The following LYPLAL1 variants were observed in gnomAD, a reference collection of about 807,000 sequenced individuals.
LYPLAL1 encodes lysophospholipase like 1, also known as lysophospholipase-like protein 1.
In LYPLAL1, 23 loss-of-function variants were observed where a neutral mutation model predicts 19.7. The ratio of observed to expected loss-of-function variants is 1.17; its 90% CI spans 0.84 to 1.65. LYPLAL1 has a LOEUF of 1.65. Ranked by LOEUF, LYPLAL1 falls within the 40% of genes most tolerant of loss-of-function variation. LYPLAL1 has a pLI of 0.00. For missense variants in LYPLAL1, 355 were observed against 279.4 expected, an observed-to-expected ratio of 1.27 and a Z score of -1.93; for synonymous variants, 119 against 96.3, an observed-to-expected ratio of 1.24 and a Z score of -1.38.
the LYPLAL1 span, among the ~76,000 whole-genome samples, chr1:219,402,618 A>G: frequency 6.7e-6 from 1 of 149,938 alleles, no homozygotes; most frequent in Admixed American, 6.7e-5. Context: ...CTAAAATACC[A>G]CTAAAGGAAA....
At chr1:219,193,757 G>A (rs371149427) in intron 3 of LYPLAL1, among the ~76,000 whole-genome samples, 20 of 151,616 alleles carry the variant, frequency 1.3e-4, no homozygotes, top group Admixed American at 7.9e-4. Context: ...TCTTTATTCT[G>A]CTTAATACCT....
At chr1:219,433,778 G>A in the LYPLAL1 span, among the ~76,000 whole-genome samples, 2 of 152,354 alleles carry the variant, frequency 1.3e-5, no homozygotes, top group South Asian at 2.1e-4. Context: ...TATTTTGTAA[G>A]CACCTAATTA....
chr1:219,179,545 A>G (rs1558219224), intron 2 of LYPLAL1: 5 of 244,374 alleles, frequency 2.0e-5, no homozygotes, highest in Non-Finnish European at 7.7e-6. Context: ...CAACTTTCAT[A>G]CTTCTTCCCT....
the LYPLAL1 span, among the ~76,000 whole-genome samples, chr1:219,405,249 A>G: frequency 1.3e-5 from 2 of 152,220 alleles, no homozygotes; most frequent in Admixed American, 1.3e-4. Context: ...CTTGTGAACT[A>G]GATAAGCTTC....
the LYPLAL1 span, among the ~76,000 whole-genome samples, chr1:219,433,403 G>A: frequency 1.3e-5 from 2 of 152,096 alleles, no homozygotes; most frequent in Non-Finnish European, 2.9e-5. Context: ...GACAGAAACT[G>A]GCTTTTATTT....
chr1:219,378,098 A>T, the LYPLAL1 span, among the ~76,000 whole-genome samples: 22,086 of 152,116 alleles, frequency 0.15, 2,015 homozygotes, highest in African/African-American at 0.27. Flanking sequence ...TCTCTGCTTC[A>T]TGCAAAAAGG....
chr1:219,320,016 T>G, the LYPLAL1 span, among the ~76,000 whole-genome samples: 1 of 152,194 alleles, frequency 6.6e-6, no homozygotes, highest in Non-Finnish European at 1.5e-5. Context: ...CATAAAATAT[T>G]GGTAAAGGAA....
In LYPLAL1 at chr1:219,203,935, C is replaced by A. The variant is rs574663908; in HGVS notation, c.362-6597C>A. Among the ~76,000 whole-genome samples, 4 of 152,222 alleles carry A rather than the reference C, an allele frequency of 2.6e-5. No individual in the cohort carries two copies. The South Asian group carries it at 8.3e-4, about 32-fold the overall frequency. The stretch of plus-strand genomic sequence containing the variant: ...GTAAAACTACATTTAAAATTTTAAT[C>A]ATCTGTGGGGTTTAGCTATGAAAAT... On this transcript the variant is annotated intron_variant, in intron 3 of 4. Coordinates refer to ENST00000366928, the MANE Select transcript of LYPLAL1 (RefSeq NM_138794.5).
At chr1:219,441,923 T>C in the LYPLAL1 span, among the ~76,000 whole-genome samples, 2 of 151,824 alleles carry the variant, frequency 1.3e-5, no homozygotes, top group Non-Finnish European at 2.9e-5. Context: ...TCCTGTCCCA[T>C]CCCCACTGCA....
the LYPLAL1 span, among the ~76,000 whole-genome samples, chr1:219,324,128 C>G: frequency 3.9e-5 from 6 of 152,150 alleles, no homozygotes; most frequent in African/African-American, 1.4e-4. Context: ...CTTTACCCTA[C>G]AAGAAAACAG....
the LYPLAL1 span, among the ~76,000 whole-genome samples, chr1:219,390,956 T>C: frequency 6.6e-6 from 1 of 152,096 alleles, no homozygotes; most frequent in African/African-American, 2.4e-5. Context: ...CTACAGTTCT[T>C]GTAACAAGAA....
chr1:219,427,618 G>A, the LYPLAL1 span, among the ~76,000 whole-genome samples: 1 of 152,312 alleles, frequency 6.6e-6, no homozygotes, highest in Admixed American at 6.5e-5. Context: ...GAAACTGCCA[G>A]TGTTAGAGAG....
intron 2 of LYPLAL1, among the ~76,000 whole-genome samples, chr1:219,179,644 A>G (rs1245985880): frequency 2.6e-5 from 4 of 152,234 alleles, no homozygotes; most frequent in Non-Finnish European, 5.9e-5. Flanking sequence ...TCTCTGGGAA[A>G]GGGTTTTATG....
intron 2 of LYPLAL1, 141 bp from the exon 3 acceptor site, chr1:219,192,941 T>G: frequency 1.2e-6 from 1 of 828,732 alleles, no homozygotes; most frequent in Non-Finnish European, 1.8e-6. Context: ...ATGAGAGTAG[T>G]TTTAATATGC....
At chr1:219,194,702 C>T (rs1657467408) in intron 3 of LYPLAL1, among the ~76,000 whole-genome samples, 1 of 151,934 alleles carries the variant, frequency 6.6e-6, no homozygotes. Context: ...ATAACATTAC[C>T]CAATCAATAA....
the LYPLAL1 span, among the ~76,000 whole-genome samples, chr1:219,233,039 T>C: frequency 6.6e-6 from 1 of 152,162 alleles, no homozygotes; most frequent in African/African-American, 2.4e-5. Context: ...CTTCTTGGTA[T>C]TCAAAAACGT....
the LYPLAL1 span, among the ~76,000 whole-genome samples, chr1:219,276,110 G>A: frequency 2.0e-5 from 3 of 152,230 alleles, no homozygotes; most frequent in African/African-American, 2.4e-5. Flanking sequence ...CCTTTGAAGC[G>A]AGGTAATTTC....
At chr1:219,209,627 G>A (rs575559132) in intron 3 of LYPLAL1, among the ~76,000 whole-genome samples, 2 of 152,206 alleles carry the variant, frequency 1.3e-5, no homozygotes, top group Non-Finnish European at 2.9e-5. Flanking sequence ...ATTTCTATGA[G>A]TGTGTGGCTA....
At chr1:219,246,523 G>A in the LYPLAL1 span, among the ~76,000 whole-genome samples, 15 of 152,094 alleles carry the variant, frequency 9.9e-5, no homozygotes, top group South Asian at 2.1e-4. Context: ...TGGAGTGGCC[G>A]ACACCAGAAC....
Sources: allele counts gnomAD v4.1 joint callset (sites outside exome capture counted in the v4.1 genomes callset), GRCh38; gene constraint gnomAD v4.1.1; transcripts MANE v1.5; gene names NCBI Gene and HGNC (gene_info 2026-07-23, HGNC 2026-07-21).